The following SCN8A variants were observed in gnomAD, a reference collection of about 807,000 sequenced individuals.
The protein encoded by SCN8A is sodium voltage-gated channel alpha subunit 8.
In SCN8A, 30 loss-of-function variants were observed where a neutral mutation model predicts 184.1. The ratio of observed to expected loss-of-function variants is 0.16; its 90% CI spans 0.12 to 0.22. The LOEUF is 0.22. Ranked by LOEUF, SCN8A falls within the 10% of genes least tolerant of loss-of-function variation. The pLI is 1.00. For missense variants in SCN8A, 1,057 were observed against 2,498.9 expected (o/e 0.42, Z 12.30); for synonymous variants, 852 against 907.0 (o/e 0.94, Z 1.09).
At chr12:51,711,713 C>CT (rs34571044) in intron 11 of SCN8A, among the ~76,000 whole-genome samples, 108,799 of 144,012 alleles carry the variant, frequency 0.76, 42,697 homozygotes, top group East Asian at 0.88. Flanking sequence ...CTTCTGAGTT[C>CT]TTTTTTTTTT....
chr12:51,599,321 A>G (rs139954983), intron 1 of SCN8A, among the ~76,000 whole-genome samples: 1 of 152,330 alleles, frequency 6.6e-6, no homozygotes, highest in Non-Finnish European at 1.5e-5. Flanking sequence ...TGCTAAATAA[A>G]TGGTATAGTT....
intron 1 of SCN8A, among the ~76,000 whole-genome samples, chr12:51,644,758 C>T (rs950467864): frequency 1.3e-5 from 2 of 151,874 alleles, no homozygotes; most frequent in Non-Finnish European, 2.9e-5. Context: ...AGGAGCGTCT[C>T]TGCCCGGCCG....
intron 14 of SCN8A, among the ~76,000 whole-genome samples, chr12:51,757,380 G>A (rs1391021287): frequency 6.6e-6 from 1 of 151,532 alleles, no homozygotes; most frequent in Non-Finnish European, 1.5e-5. Context: ...GATTAACTTT[G>A]GGCGAGGATC....
At chr12:51,780,592 T>TAAC in intron 20 of SCN8A, 57 bp from the exon 21 acceptor site, 1 of 332,054 alleles carries the variant, frequency 3.0e-6, no homozygotes, top group Non-Finnish European at 5.0e-6. Flanking sequence ...TTTTTTTTTT[T>TAAC]TTTTTTTTTT....
intron 5 of SCN8A, among the ~76,000 whole-genome samples, chr12:51,687,508 C>T (rs1383120618): frequency 6.6e-6 from 1 of 152,124 alleles, no homozygotes; most frequent in Non-Finnish European, 1.5e-5. Flanking sequence ...TTTATTCCTC[C>T]TTGTAACGAT....
chr12:51,655,436 C>T (rs1432675122), intron 1 of SCN8A, among the ~76,000 whole-genome samples: 1 of 151,448 alleles, frequency 6.6e-6, no homozygotes, highest in Non-Finnish European at 1.5e-5. Context: ...GGCTGTAGTG[C>T]AGTGGCACCA....
intron 26 of SCN8A, among the ~76,000 whole-genome samples, chr12:51,796,782 G>C (rs1358759626): frequency 6.6e-6 from 1 of 152,218 alleles, no homozygotes; most frequent in Non-Finnish European, 1.5e-5. Context: ...CAAACCACTG[G>C]TGAAAGTCCA....
At position 51,646,893 on chromosome 12, in the gene SCN8A, T is replaced by C. The variant is rs74091875; in HGVS notation, c.-54-15871T>C. Among the ~76,000 whole-genome samples the C allele has an allele frequency of 8.1e-3, 1,238 of 152,342 alleles. 10 individuals carry two copies. Among genetic ancestry groups the C allele is most frequent in the African/African-American group, 0.027 (1,136 of 41,576 alleles). On this transcript the variant is annotated intron_variant, in intron 1 of 26. Transcript: ENST00000627620. ...AAGCGGATACTAGTAGCTTGGTAGC[T>C]ATATGGATGTATGTACAAGGTGGAA...
chr12:51,752,141 T>TA (rs1158092439), intron 14 of SCN8A, among the ~76,000 whole-genome samples: 2 of 151,970 alleles, frequency 1.3e-5, no homozygotes, highest in Non-Finnish European at 1.5e-5. Flanking sequence ...TATGTAGTTT[T>TA]AAAAAAAATA....
rs533326319 is a variant in SCN8A, at chr12:51,799,788, ACT to A, written c.4795+5150_4795+5151del. Among the ~76,000 whole-genome samples the A allele has an allele frequency of 3.1e-3, 466 of 152,108 alleles. 2 individuals are homozygous for A. Among genetic ancestry groups the A allele is most frequent in the African/African-American group, 0.011 (440 of 41,492 alleles). ...CCAAATAGGCCCACTAGGCGTTGTG[ACT>A]CTTTCTTGGTTGTAGGAGAGGCCAA... On this transcript the variant is annotated intron_variant, in intron 26 of 26. Coordinates refer to ENST00000627620, the MANE Select transcript of SCN8A (RefSeq NM_001330260.2).
At chr12:51,704,340 C>T (rs1016752337) in intron 9 of SCN8A, among the ~76,000 whole-genome samples, 4 of 152,024 alleles carry the variant, frequency 2.6e-5, no homozygotes, top group African/African-American at 9.7e-5. Flanking sequence ...AAAACTCATC[C>T]TATTGCAAAA....
intron 12 of SCN8A, among the ~76,000 whole-genome samples, chr12:51,739,573 A>G (rs1942384431): frequency 6.6e-6 from 1 of 152,072 alleles, no homozygotes; most frequent in South Asian, 2.1e-4. Context: ...AAAAAGTTCT[A>G]AGGTGAAACG....
intron 11 of SCN8A, among the ~76,000 whole-genome samples, chr12:51,720,075 C>CAAAAAAA (rs397944526): frequency 1.2e-5 from 1 of 85,476 alleles, no homozygotes; most frequent in Admixed American, 1.6e-4. Flanking sequence ...GACTCCGTCT[C>CAAAAAAA]AAAAAAAAAA....
rs145994275 is a variant in SCN8A at position 51,770,964 on chromosome 12, T to G, written c.3645+281T>G. ...GCCCCTAAAATGAACTTCCCTCTCTTACCTAATACCCCAGATCTCTTGTTC... is the reference window on the plus strand; with the variant it reads ...GCCCCTAAAATGAACTTCCCTCTCTGACCTAATACCCCAGATCTCTTGTTC... On this transcript the variant is annotated intron_variant, in intron 19 of 26. Coordinates refer to ENST00000627620, the MANE Select transcript of SCN8A (RefSeq NM_001330260.2). 3.9e-4 allele frequency among the ~76,000 whole-genome samples: 59 copies of G among 152,314 alleles called. 1 individual carries two copies. Among genetic ancestry groups the G allele is most frequent in the South Asian group, 1.2e-3 (6 of 4,824 alleles).
intron 1 of SCN8A, among the ~76,000 whole-genome samples, chr12:51,626,400 C>T (rs148244600): frequency 3.3e-4 from 51 of 152,244 alleles, no homozygotes; most frequent in African/African-American, 1.0e-3. Flanking sequence ...ATACCCAACA[C>T]GACCTTCCTG....
chr12:51,806,712 C>T lies in SCN8A; in HGVS notation c.5226C>T (p.Gly1742=). ...GAGATTGTGGGAACCCCTCAGTGGG[C>T]ATCTTCTTCTTTGTAAGCTACATCA... ...FKGDCGNPSV[G]IFFFVSYIII... Residue 1742 remains glycine (G), a synonymous_variant, in exon 27 of 27, where the codon GGC becomes GGT. Coordinates refer to ENST00000627620, the MANE Select transcript of SCN8A (RefSeq NM_001330260.2). This position sits in a 1 kb window ranked among gnomAD's most constrained non-coding sequence, Gnocchi z 8.7. The T allele has an allele frequency of 6.2e-7, 1 of 1,614,110 alleles. No individual in the cohort carries two copies. Among genetic ancestry groups the T allele is most frequent in the East Asian group, 2.2e-5 (1 of 44,878 alleles).
intron 12 of SCN8A, among the ~76,000 whole-genome samples, chr12:51,727,486 C>T (rs1009367953): frequency 6.6e-6 from 1 of 151,956 alleles, no homozygotes. Context: ...GCCCTTGGAT[C>T]TCAACATAGT....
At chr12:51,679,968 C>T (rs945302375) in intron 2 of SCN8A, among the ~76,000 whole-genome samples, 4 of 152,134 alleles carry the variant, frequency 2.6e-5, no homozygotes, top group Non-Finnish European at 5.9e-5. Context: ...TCGTGATCCA[C>T]TCACCTCGAC....
intron 1 of SCN8A, among the ~76,000 whole-genome samples, chr12:51,595,600 C>T (rs921913236): frequency 6.6e-6 from 1 of 152,166 alleles, no homozygotes; most frequent in African/African-American, 2.4e-5. Context: ...TCTATTGGAG[C>T]TTCAGTGTTC....
Sources: gnomAD v4.1 joint callset for allele counts (sites outside exome capture counted in the v4.1 genomes callset) on GRCh38, gnomAD v4.1.1 for gene constraint, Gnocchi (gnomAD v3.1) non-coding constraint, MANE v1.5 for transcripts, NCBI Gene and HGNC (gene_info 2026-07-23, HGNC 2026-07-21) for gene names.